SPTB: variants seen among roughly 807,000 people sequenced by gnomAD.
SPTB encodes spectrin beta chain, erythrocytic.
A neutral mutation model predicts 256.2 loss-of-function variants in SPTB; 45 were observed. The observed-to-expected ratio is 0.18, with a 90% CI of 0.14 to 0.23. The LOEUF is 0.23. Among genes scored for constraint, SPTB ranks in the 10% least tolerant of loss-of-function variants. SPTB has a pLI of 1.00. For synonymous variants in SPTB, 1,231 were observed against 1,243.1 expected (o/e 0.99, Z 0.21); for missense variants, 2,715 against 3,040.4 (o/e 0.89, Z 2.52).
chr14:64,759,318 G>C lies in SPTB; in HGVS notation c.6346-5525C>G, dbSNP rs896031636. Among the ~76,000 whole-genome samples, 2 of 152,200 alleles carry C rather than the reference G, an allele frequency of 1.3e-5. No individual in the cohort carries two copies. Among genetic ancestry groups the C allele is most frequent in the African/African-American group, 2.4e-5 (1 of 41,444 alleles). On this transcript the variant is annotated intron_variant, in intron 32 of 35. Transcript: ENST00000644917. This position sits in a 1 kb window ranked among gnomAD's most constrained non-coding sequence, Gnocchi z 4.8. The stretch of plus-strand genomic sequence containing the variant: ...CCTGGCTGCGAACCTGCAGTGGGAG[G>C]CCTGTGGCCCTGTTGGATCAGTCCT...
At chr14:64,766,167 TG>T (rs1489462372) in intron 32 of SPTB, among the ~76,000 whole-genome samples, 285 of 148,570 alleles carry the variant, frequency 1.9e-3, no homozygotes, top group African/African-American at 6.7e-3. Context: ...TTTGTGTGTA[TG>T]TGTATGTGTG....
At chr14:64,860,554 A>G (rs960528393) in intron 1 of SPTB, among the ~76,000 whole-genome samples, 5 of 152,032 alleles carry the variant, frequency 3.3e-5, no homozygotes, top group Admixed American at 2.0e-4. Context: ...TGTGTGACTT[A>G]TATTCTCATC....
At chr14:64,808,169 C>T (rs149441615) in intron 2 of SPTB, among the ~76,000 whole-genome samples, 6,444 of 152,268 alleles carry the variant, frequency 0.042, 204 homozygotes, top group East Asian at 0.18. Flanking sequence ...TGTGCCACCA[C>T]GCCTGGATAT....
rs757836263 is a variant in SPTB, at chr14:64,779,907, G to A, written c.4291C>T (p.Arg1431Ter). 2.9e-5 allele frequency: 46 copies of A among 1,613,740 alleles called. No individual in the cohort carries two copies. Among genetic ancestry groups the A allele is most frequent in the Non-Finnish European group, 3.8e-5 (45 of 1,179,878 alleles). ...LKRVEDQVNV[R>*]KEELGELFAQ... ...AACAGCTCCCCCAGCTCCTCTTTTCGCACATTCACTTGGTCCTCCACTCGC... is the reference window on the plus strand; with the variant it reads ...AACAGCTCCCCCAGCTCCTCTTTTCACACATTCACTTGGTCCTCCACTCGC... The change falls in exon 21 of 36, where the codon CGA becomes TGA. Residue 1431 changes from arginine to a stop codon, truncating the protein, a stop_gained. Transcript: ENST00000644917. LOFTEE classifies it high-confidence loss of function. The surrounding 1 kb of genome is among the most constrained non-coding windows in gnomAD (Gnocchi z 4.2).
intron 7 of SPTB, 54 bp from the exon 8 acceptor site, chr14:64,800,922 G>T: frequency 7.1e-7 from 1 of 1,405,750 alleles, no homozygotes; most frequent in Non-Finnish European, 1.0e-6. Flanking sequence ...GGGAAAGTCA[G>T]GCTCAGAGGG....
At chr14:64,875,917 T>C (rs1379256505) in intron 1 of SPTB, among the ~76,000 whole-genome samples, 1 of 152,224 alleles carries the variant, frequency 6.6e-6, no homozygotes, top group Non-Finnish European at 1.5e-5. Flanking sequence ...TTTTTTTAAA[T>C]TCTATAATTT....
At chr14:64,753,298 G>T (rs2081976754) in intron 33 of SPTB, among the ~76,000 whole-genome samples, 1 of 152,184 alleles carries the variant, frequency 6.6e-6, no homozygotes, top group African/African-American at 2.4e-5. Context: ...ATTTAAAGAG[G>T]TTGAGTAACT....
chr14:64,772,617 G>A lies in SPTB; in HGVS notation c.5516C>T (p.Thr1839Ile). The change falls in exon 26 of 36, where the codon ACA (threonine) becomes ATA (isoleucine). Residue 1839 changes from threonine (T) to isoleucine (I), a missense_variant. Coordinates refer to ENST00000644917, the MANE Select transcript of SPTB (RefSeq NM_001355436.2). This position sits in a 1 kb window ranked among gnomAD's most constrained non-coding sequence, Gnocchi z 5.4. Reference protein sequence around the residue: ...STAESFHRVHTAFERELHLLG... With the variant: ...STAESFHRVHIAFERELHLLG... ...CAGGTGGAGCTCCCGCTCGAAGGCT[G>A]TGTGCACCCGGTGGAAGGACTCGGC... 1 of 1,612,180 alleles carries A rather than the reference G, an allele frequency of 6.2e-7. No homozygotes were observed. The highest frequency in any genetic ancestry group is 8.5e-7 in the Non-Finnish European group (1 of 1,179,916).
chr14:64,771,990 A>G (rs570021989), intron 26 of SPTB, among the ~76,000 whole-genome samples: 8 of 152,318 alleles, frequency 5.3e-5, no homozygotes, highest in African/African-American at 1.9e-4. Context: ...GGGGCACCCT[A>G]CGGATCTGCG....
At chr14:64,752,676 C>T (rs1431279924) in intron 33 of SPTB, among the ~76,000 whole-genome samples, 2 of 152,180 alleles carry the variant, frequency 1.3e-5, no homozygotes, top group Non-Finnish European at 2.9e-5. Flanking sequence ...TCTGGGTAGA[C>T]TCTCCATTTA....
intron 30 of SPTB, 91 bp from the exon 31 acceptor site, chr14:64,767,443 C>T: frequency 6.5e-7 from 1 of 1,547,936 alleles, no homozygotes; most frequent in South Asian, 1.1e-5. Context: ...CCTGCACCCC[C>T]ACATGCCCTG....
chr14:64,847,606 C>G lies in SPTB; in HGVS notation c.-51-24461G>C, dbSNP rs531945388. ...CAACCACCACACTCCTAAGCCAGAA[C>G]AGTGAGCAGGACTCCAGAAAGTCTG... On this transcript the variant is annotated intron_variant, in intron 1 of 35. Transcript: ENST00000644917. The surrounding 1 kb of genome is among the most constrained non-coding windows in gnomAD (Gnocchi z 5.9). 5.2e-4 allele frequency among the ~76,000 whole-genome samples: 79 copies of G among 152,288 alleles called. No individual in the cohort carries two copies. The highest frequency in any genetic ancestry group is 1.8e-3 in the African/African-American group (73 of 41,556).
At chr14:64,857,118 A>G (rs1335006425) in intron 1 of SPTB, among the ~76,000 whole-genome samples, 1 of 152,188 alleles carries the variant, frequency 6.6e-6, no homozygotes, top group Admixed American at 6.5e-5. Flanking sequence ...TGTGACCGCA[A>G]TACACAAATT....
At position 64,873,183 on chromosome 14, in the gene SPTB, A is replaced by G. The variant is rs540357488; in HGVS notation, c.-52+6609T>C. Among the ~76,000 whole-genome samples, 16 of 152,218 alleles carry G rather than the reference A, an allele frequency of 1.1e-4. No homozygotes were observed. The highest frequency in any genetic ancestry group is 3.4e-4 in the African/African-American group (14 of 41,546). ...TTCATATTGCTTTATTTTTCTTTTTAGCACTTGAAATTACAATATATATTT... is the reference window on the plus strand; with the variant it reads ...TTCATATTGCTTTATTTTTCTTTTTGGCACTTGAAATTACAATATATATTT... On this transcript the variant is annotated intron_variant, in intron 1 of 35. Transcript: ENST00000644917. This position sits in a 1 kb window ranked among gnomAD's most constrained non-coding sequence, Gnocchi z 4.3.
chr14:64,811,111 C>T (rs1294563118), intron 2 of SPTB, among the ~76,000 whole-genome samples: 5 of 149,754 alleles, frequency 3.3e-5, no homozygotes, highest in Non-Finnish European at 7.4e-5. Flanking sequence ...AGACCCACCT[C>T]GAAAAAAAAA....
intron 2 of SPTB, among the ~76,000 whole-genome samples, chr14:64,808,024 T>C (rs2083017891): frequency 1.3e-5 from 2 of 152,246 alleles, no homozygotes; most frequent in African/African-American, 4.8e-5. Flanking sequence ...TCTGTTCCTC[T>C]TTTCTTTTCA....
intron 1 of SPTB, among the ~76,000 whole-genome samples, chr14:64,851,527 T>C (rs1417354997): frequency 6.6e-6 from 1 of 152,010 alleles, no homozygotes; most frequent in Non-Finnish European, 1.5e-5. Context: ...CAGTACGAGT[T>C]TGTCCTTCAA....
Position 64,769,637 on chromosome 14 carries a change from C to T in SPTB, c.5890G>A (p.Glu1964Lys). The T allele has an allele frequency of 1.9e-6, 3 of 1,614,160 alleles. No homozygotes were observed. Among genetic ancestry groups the T allele is most frequent in the Non-Finnish European group, 2.5e-6 (3 of 1,180,044 alleles). The change falls in exon 28 of 36, where the codon GAG becomes AAG. Residue 1964 changes from glutamate (E) to lysine (K), a missense_variant. By Grantham distance (56) the Glu-to-Lys change is moderately conservative. Coordinates refer to ENST00000644917, the MANE Select transcript of SPTB (RefSeq NM_001355436.2). ...CGCTGCAGCAGGGACTCGCCAAGCT[C>T]CAGGCAGGCACTGAAGTTCTTGCTC... is the stretch of plus-strand genomic sequence containing the variant. ...TRSKNFSACL[E>K]LGESLLQRQH...
chr14:64,829,865 C>A (rs532761060), intron 1 of SPTB, among the ~76,000 whole-genome samples: 5 of 152,302 alleles, frequency 3.3e-5, no homozygotes, highest in Admixed American at 1.3e-4. Context: ...CTCCCCACAC[C>A]CCCTATAGGT....
Sources: allele counts gnomAD v4.1 joint callset (sites outside exome capture counted in the v4.1 genomes callset), GRCh38; gene constraint gnomAD v4.1.1; non-coding constraint Gnocchi (gnomAD v3.1); transcripts MANE v1.5; gene names NCBI Gene and HGNC (gene_info 2026-07-23, HGNC 2026-07-21).